Variants in DDX25 observed in about 807,000 individuals in gnomAD.
DDX25 encodes the protein ATP-dependent RNA helicase DDX25.
In DDX25, 70 loss-of-function variants were observed where a neutral mutation model predicts 64.6. The observed-to-expected ratio is 1.08, with a 90% CI of 0.89 to 1.32. The LOEUF is 1.32. Ranked by LOEUF, DDX25 falls within the 40% of genes most tolerant of loss-of-function variation. The pLI, the probability that DDX25 is intolerant of heterozygous loss-of-function variation, is 0.00. For synonymous variants in DDX25, 211 were observed against 213.3 expected, an observed-to-expected ratio of 0.99 and a Z score of 0.09; for missense variants, 587 against 604.4, an observed-to-expected ratio of 0.97 and a Z score of 0.30.
Position 125,905,193 on chromosome 11 carries a change from A to C in DDX25, c.64-19A>C. 1.3e-6 allele frequency: 2 copies of C among 1,551,236 alleles called. No homozygotes were observed. Among genetic ancestry groups the C allele is most frequent in the South Asian group, 2.4e-5 (2 of 83,984 alleles). ...GGGCTTGCATCCTAATATTGGTTGA[A>C]ATTTGTGTCTCTCAATAGTTTTCAA... On this transcript the variant is annotated intron_variant, in intron 1 of 11. Coordinates refer to ENST00000263576, the MANE Select transcript of DDX25 (RefSeq NM_013264.5).
At chr11:125,907,529 A>G (rs951597423) in intron 4 of DDX25, among the ~76,000 whole-genome samples, 7 of 151,830 alleles carry the variant, frequency 4.6e-5, no homozygotes, top group African/African-American at 9.7e-5. Flanking sequence ...AATGGCGTGA[A>G]CCCGGGAGGT....
Position 125,921,280 on chromosome 11 carries a change from C to T in DDX25, c.1291C>T (p.Arg431Cys), listed in dbSNP as rs759109195. ...EEPDYETYLH[R>C]IGRTGRFGKK... ...GCCGGACTATGAGACCTACCTCCAC[C>T]GCATAGGGCGGACGGGGCGCTTTGG... The change falls in exon 11 of 12, where the codon CGC becomes TGC. Residue 431 changes from arginine (R) to cysteine (C), a missense_variant. Coordinates refer to ENST00000263576, the MANE Select transcript of DDX25 (RefSeq NM_013264.5). The surrounding 1 kb of genome is among the most constrained non-coding windows in gnomAD (Gnocchi z 4.1). The T allele has an allele frequency of 5.6e-6, 9 of 1,613,358 alleles. No homozygotes were observed. The Admixed American group carries it at 8.3e-5, about 15-fold the overall frequency.
At chr11:125,905,128 C>T in intron 1 of DDX25, 84 bp from the exon 2 acceptor site, 4 of 1,274,942 alleles carry the variant, frequency 3.1e-6, no homozygotes, top group Non-Finnish European at 4.5e-6. Flanking sequence ...TCCCTGAATC[C>T]CTCCCAGCCC....
At chr11:125,917,966 C>T (rs1945060417) in intron 9 of DDX25, among the ~76,000 whole-genome samples, 1 of 152,152 alleles carries the variant, frequency 6.6e-6, no homozygotes, top group Admixed American at 6.5e-5. Context: ...GCAATCTCCG[C>T]CTCCTGGGTT....
At chr11:125,910,125 A>C (rs1349446254) in intron 6 of DDX25, among the ~76,000 whole-genome samples, 1 of 152,092 alleles carries the variant, frequency 6.6e-6, no homozygotes, top group Non-Finnish European at 1.5e-5. Context: ...ATAACCCTTT[A>C]GAGAGGAATA....
chr11:125,911,014 T>C (rs1295468902), intron 7 of DDX25, among the ~76,000 whole-genome samples: 3 of 152,164 alleles, frequency 2.0e-5, no homozygotes, highest in Admixed American at 6.5e-5. Context: ...TTTTTCATAC[T>C]GTTTGTTCCT....
chr11:125,927,976 T>C lies in DDX25; in HGVS notation c.*5095T>C, dbSNP rs1384962969. The C allele has an allele frequency of 3.9e-5, 6 of 152,238 alleles. No individual in the cohort carries two copies. The highest frequency in any genetic ancestry group is 3.9e-4 in the Admixed American group (6 of 15,278). The allele number at this position is 152,238 out of a possible 1,614,324, so 9.4% of individuals were successfully genotyped here. On this transcript the variant is annotated 3_prime_UTR_variant, in exon 12 of 12. Coordinates refer to ENST00000263576, the MANE Select transcript of DDX25 (RefSeq NM_013264.5). ...CTGAGAAGCTTTGCACAAAAGAAGA[T>C]TGTTTTCCACAAATGAAAATGGGGT... is the stretch of plus-strand genomic sequence containing the variant.
intron 9 of DDX25, 94 bp from the exon 10 acceptor site, chr11:125,918,534 C>T: frequency 6.8e-7 from 1 of 1,469,408 alleles, no homozygotes; most frequent in Non-Finnish European, 9.1e-7. Flanking sequence ...GCAGCCCTCT[C>T]CCACCCCCGC....
intron 1 of DDX25, 104 bp from the exon 2 acceptor site, chr11:125,905,108 C>T (rs1020251516): frequency 1.8e-5 from 18 of 1,018,698 alleles, no homozygotes; most frequent in Middle Eastern, 2.1e-4. Context: ...AAGCAATACC[C>T]GGGTGTCCTT....
At chr11:125,916,825 CT>C (rs1945043797) in intron 8 of DDX25, among the ~76,000 whole-genome samples, 188 bp from the exon 9 acceptor site, 1 of 152,148 alleles carries the variant, frequency 6.6e-6, no homozygotes, top group Non-Finnish European at 1.5e-5. Flanking sequence ...TGTTTATATA[CT>C]TTTCTAAATT....
At chr11:125,903,512 G>A (rs906914910), upstream of DDX25, 1 of 152,016 alleles carries the variant, frequency 6.6e-6, no homozygotes, top group Non-Finnish European at 1.5e-5. Context: ...AGTTAAATGA[G>A]AAGAAAGTTA....
intron 2 of DDX25, 96 bp from the exon 3 acceptor site, chr11:125,905,457 C>A: frequency 7.3e-7 from 1 of 1,376,506 alleles, no homozygotes; most frequent in Non-Finnish European, 1.0e-6. Context: ...TGCCAGTAGA[C>A]ACTGAAGAGT....
chr11:125,911,543 C>T (rs1944969467), intron 8 of DDX25, 55 bp downstream of exon 8: 1 of 1,517,474 alleles, frequency 6.6e-7, no homozygotes, highest in African/African-American at 1.4e-5. Context: ...TGGGGAATTT[C>T]ATTTGTTTAC....
chr11:125,904,479 T>C (rs895310313), upstream of DDX25: 1 of 1,455,962 alleles, frequency 6.9e-7, no homozygotes, highest in Admixed American at 2.5e-5. Flanking sequence ...GCGCCGGTGG[T>C]GGAAGCACGT....
intron 6 of DDX25, among the ~76,000 whole-genome samples, chr11:125,909,794 C>T (rs1944942133): frequency 6.6e-6 from 1 of 151,864 alleles, no homozygotes; most frequent in Admixed American, 6.6e-5. Flanking sequence ...GGATTACAGG[C>T]ACCCGCCATC....
chr11:125,904,128 C>T (rs543037785), upstream of DDX25, among the ~76,000 whole-genome samples: 1 of 152,236 alleles, frequency 6.6e-6, no homozygotes, highest in Non-Finnish European at 1.5e-5. Context: ...GGGAAACCGA[C>T]ACGGGGCGTA....
intron 8 of DDX25, among the ~76,000 whole-genome samples, 161 bp from the exon 9 acceptor site, chr11:125,916,853 G>A (rs761638447): frequency 6.6e-6 from 1 of 152,090 alleles, no homozygotes; most frequent in East Asian, 1.9e-4. Flanking sequence ...GGCAAGGAGG[G>A]GCAGGACCTT....
chr11:125,906,345 A>T, intron 4 of DDX25, 136 bp downstream of exon 4: 3 of 1,168,106 alleles, frequency 2.6e-6, no homozygotes, highest in Non-Finnish European at 3.4e-6. Context: ...TTTGAGACAG[A>T]GTCTCACTCT....
In DDX25 at chr11:125,917,221, C is replaced by A. The variant is rs745354339; in HGVS notation, c.1008C>A (p.Ile336=). The change falls in exon 9 of 12, where the codon ATC becomes ATA. Residue 336 remains isoleucine, a synonymous_variant. Coordinates refer to ENST00000263576, the MANE Select transcript of DDX25 (RefSeq NM_013264.5). ...YQALCNIYGS[I]TIGQAIIFCQ... ...CTCTGTGCAACATTTATGGCAGCATCACCATTGGTCAGGCCATCATCTTCT... is the reference window on the plus strand; with the variant it reads ...CTCTGTGCAACATTTATGGCAGCATAACCATTGGTCAGGCCATCATCTTCT... 41 of 1,608,216 alleles carry A rather than the reference C, an allele frequency of 2.5e-5. No individual in the cohort carries two copies. The South Asian group carries it at 4.6e-4, about 18-fold the overall frequency.
Sources: gnomAD v4.1 joint callset for allele counts (sites outside exome capture counted in the v4.1 genomes callset) on GRCh38, gnomAD v4.1.1 for gene constraint, Gnocchi (gnomAD v3.1) non-coding constraint, MANE v1.5 for transcripts, NCBI Gene and HGNC (gene_info 2026-07-23, HGNC 2026-07-21) for gene names.